Variants in SDK1 observed in about 807,000 individuals in gnomAD.
The protein encoded by SDK1 is protein sidekick-1.
In SDK1, 157 loss-of-function variants were observed where a neutral mutation model predicts 245.5. The ratio of observed to expected loss-of-function variants is 0.64; its 90% CI spans 0.56 to 0.73. The LOEUF (loss-of-function observed/expected upper bound fraction) is 0.73. Ranked by LOEUF, SDK1 falls within the 30% of genes least tolerant of loss-of-function variation. SDK1 has a pLI of 0.00. For synonymous variants in SDK1, 1,647 were observed against 1,278.5 expected, an observed-to-expected ratio of 1.29 and a Z score of -6.15; for missense variants, 3,583 against 3,002.3, an observed-to-expected ratio of 1.19 and a Z score of -4.52.
At chr7:4,038,934 T>G (rs2128161308) in intron 17 of SDK1, among the ~76,000 whole-genome samples, 1 of 152,346 alleles carries the variant, frequency 6.6e-6, no homozygotes, top group Non-Finnish European at 1.5e-5. Flanking sequence ...AAGACAGGAT[T>G]ATTGGAAAAT....
At chr7:3,570,350 AAATC>A (rs1780069230) in intron 1 of SDK1, among the ~76,000 whole-genome samples, 1 of 152,064 alleles carries the variant, frequency 6.6e-6, no homozygotes, top group Non-Finnish European at 1.5e-5. Context: ...GCCCCTATGA[AAATC>A]AAACGCCGCC....
rs754291943 is a variant in SDK1, at chr7:3,536,235, TG to T, written c.299-82844del. On this transcript the variant is annotated intron_variant, in intron 1 of 44. Coordinates refer to ENST00000404826, the MANE Select transcript of SDK1 (RefSeq NM_152744.4). Reference sequence around the variant, plus strand: ...CCACACCCAGCTAATTTTTTTTTTGTGTGTGTGTTTTTACTAGAGACGGGGT... The same window carrying T: ...CCACACCCAGCTAATTTTTTTTTTGTTGTGTGTTTTTACTAGAGACGGGGT... 8.3e-4 allele frequency among the ~76,000 whole-genome samples: 71 copies of T among 85,714 alleles called. 3 individuals are homozygous for T. Among genetic ancestry groups the T allele is most frequent in the Middle Eastern group, 6.4e-3 (1 of 156 alleles). 56.2% of individuals were successfully genotyped at this position (85,714 alleles called of 152,430 possible). A position where few individuals can be genotyped will look rare whatever the true frequency, so the allele number is the denominator to read the frequency against.
At chr7:3,880,015 A>T (rs1216219493) in intron 5 of SDK1, among the ~76,000 whole-genome samples, 1 of 152,086 alleles carries the variant, frequency 6.6e-6, no homozygotes, top group Non-Finnish European at 1.5e-5. Context: ...ATGGCTTTAT[A>T]ATTTCCCTTC....
At chr7:3,455,140 G>GTT (rs545459656) in intron 1 of SDK1, among the ~76,000 whole-genome samples, 3 of 144,626 alleles carry the variant, frequency 2.1e-5, no homozygotes, top group African/African-American at 7.6e-5. Context: ...TTGGATTTTT[G>GTT]TTTTTTTTTT....
Position 3,478,122 on chromosome 7 carries a change from T to C in SDK1, c.299-140958T>C, listed in dbSNP as rs561525602. On this transcript the variant is annotated intron_variant, in intron 1 of 44. Coordinates refer to ENST00000404826, the MANE Select transcript of SDK1 (RefSeq NM_152744.4). Reference sequence around the variant, plus strand: ...TGTATCAGTAAAAAATTATAAAGTATTATCCTTTTGTAATATATTTTAATG... The same window carrying C: ...TGTATCAGTAAAAAATTATAAAGTACTATCCTTTTGTAATATATTTTAATG... 4.0e-4 allele frequency among the ~76,000 whole-genome samples: 61 copies of C among 152,298 alleles called. 1 individual carries two copies. The highest frequency in any genetic ancestry group is 8.4e-4 in the Non-Finnish European group (57 of 68,028).
At chr7:4,171,636 G>A (rs1781844243) in intron 32 of SDK1, among the ~76,000 whole-genome samples, 1 of 152,232 alleles carries the variant, frequency 6.6e-6, no homozygotes, top group South Asian at 2.1e-4. Flanking sequence ...CCGGCACCAA[G>A]GTCCCCTCAT....
intron 14 of SDK1, among the ~76,000 whole-genome samples, chr7:4,007,284 T>A (rs1054619406): frequency 2.6e-5 from 4 of 152,146 alleles, no homozygotes; most frequent in African/African-American, 9.7e-5. Flanking sequence ...ACTCTAAGGT[T>A]CAAGAGCCCG....
intron 22 of SDK1, among the ~76,000 whole-genome samples, chr7:4,089,524 G>A (rs1781656963): frequency 6.6e-6 from 1 of 152,200 alleles, no homozygotes; most frequent in Non-Finnish European, 1.5e-5. Flanking sequence ...GAATGAACGG[G>A]GCAAGCTTCC....
At chr7:3,380,694 C>G (rs1198086194) in intron 1 of SDK1, among the ~76,000 whole-genome samples, 6 of 152,306 alleles carry the variant, frequency 3.9e-5, no homozygotes, top group Admixed American at 3.3e-4. Context: ...CTCTTTCTGT[C>G]TTCTTGATTT....
intron 19 of SDK1, among the ~76,000 whole-genome samples, chr7:4,064,414 T>A (rs1049647095): frequency 6.6e-6 from 1 of 152,068 alleles, no homozygotes; most frequent in South Asian, 2.1e-4. Flanking sequence ...TAAAAAGACA[T>A]AAAAAATGCT....
At chr7:3,431,499 C>T (rs1779846870) in intron 1 of SDK1, among the ~76,000 whole-genome samples, 1 of 151,636 alleles carries the variant, frequency 6.6e-6, no homozygotes, top group Admixed American at 6.6e-5. Context: ...TTTTAAGTCA[C>T]ATTCTTTGCT....
chr7:3,996,891 C>G (rs148077396), intron 14 of SDK1, among the ~76,000 whole-genome samples: 1 of 152,254 alleles, frequency 6.6e-6, no homozygotes, highest in African/African-American at 2.4e-5. Context: ...TTCCTGATCT[C>G]AGTGGAATGT....
intron 30 of SDK1, among the ~76,000 whole-genome samples, chr7:4,155,334 C>G (rs1226628724): frequency 6.6e-6 from 1 of 152,176 alleles, no homozygotes; most frequent in African/African-American, 2.4e-5. Flanking sequence ...CGCTAAGAAC[C>G]CTGCTCTCTG....
At chr7:3,821,296 G>T (rs1051270043) in intron 4 of SDK1, among the ~76,000 whole-genome samples, 154 bp from the exon 5 acceptor site, 1 of 152,184 alleles carries the variant, frequency 6.6e-6, no homozygotes, top group Non-Finnish European at 1.5e-5. Context: ...TGGCGTTGTC[G>T]TATTCTTAAA....
At chr7:4,143,525 C>T (rs60904906) in intron 28 of SDK1, among the ~76,000 whole-genome samples, 2,076 of 152,272 alleles carry the variant, frequency 0.014, 62 homozygotes, top group African/African-American at 0.047. Flanking sequence ...CTGGGAGAGG[C>T]TGCATGGCTC....
chr7:3,454,553 C>A (rs1444220060), intron 1 of SDK1, among the ~76,000 whole-genome samples: 1 of 152,142 alleles, frequency 6.6e-6, no homozygotes, highest in East Asian at 1.9e-4. Context: ...CCTTCCCAAT[C>A]TCTGATCAGC....
chr7:4,153,683 T>G (rs184235677), intron 30 of SDK1, among the ~76,000 whole-genome samples: 72 of 152,256 alleles, frequency 4.7e-4, no homozygotes, highest in African/African-American at 1.5e-3. Context: ...TTTGTGTTTG[T>G]TTGGTTGGTT....
At chr7:3,684,510 A>G (rs1010766262) in intron 4 of SDK1, among the ~76,000 whole-genome samples, 2 of 152,210 alleles carry the variant, frequency 1.3e-5, no homozygotes, top group Admixed American at 1.3e-4. Context: ...CACATCCACA[A>G]TGGGTAAGCC....
At chr7:3,512,866 A>T (rs1035056822) in intron 1 of SDK1, among the ~76,000 whole-genome samples, 4 of 151,994 alleles carry the variant, frequency 2.6e-5, no homozygotes, top group African/African-American at 9.7e-5. Flanking sequence ...AAAGTGCATT[A>T]TGTCATTGTA....
Sources: allele counts gnomAD v4.1 joint callset (sites outside exome capture counted in the v4.1 genomes callset), GRCh38; gene constraint gnomAD v4.1.1; transcripts MANE v1.5; gene names NCBI Gene and HGNC (gene_info 2026-07-23, HGNC 2026-07-21).